WNK1: variants seen among roughly 807,000 people sequenced by gnomAD.
WNK1 encodes the protein WNK lysine deficient protein kinase 1.
WNK1 carries 38 observed loss-of-function variants against 222.8 expected under a neutral mutation model. The observed-to-expected ratio is 0.17, with a 90% CI of 0.13 to 0.22. The LOEUF (loss-of-function observed/expected upper bound fraction) is 0.22. Ranked by LOEUF, WNK1 falls within the 10% of genes least tolerant of loss-of-function variation. The probability of loss-of-function intolerance (pLI) is 1.00; values close to 1 mark genes in which losing one functional copy is unlikely to be tolerated. For synonymous variants in WNK1, 1,090 were observed against 1,092.9 expected (o/e 1.00, Z 0.05); for missense variants, 2,348 against 2,918.4 (o/e 0.80, Z 4.50).
At chr12:782,723 C>T (rs574363686) in intron 1 of WNK1, among the ~76,000 whole-genome samples, 25 of 151,938 alleles carry the variant, frequency 1.6e-4, no homozygotes, top group African/African-American at 4.6e-4. Flanking sequence ...AGGCTGATCT[C>T]GAACTCCTGA....
rs753780107 is a variant in WNK1, at chr12:879,565, C to A, written c.2374-8C>A. The A allele has an allele frequency of 6.3e-6, 7 of 1,106,472 alleles. No individual in the cohort carries two copies. Among genetic ancestry groups the A allele is most frequent in the South Asian group, 1.4e-5 (1 of 71,088 alleles). The allele number at this position is 1,106,472 out of a possible 1,614,324, so 68.5% of individuals were successfully genotyped here. On this transcript the variant is annotated splice_region_variant and splice_polypyrimidine_tract_variant and intron_variant, in intron 10 of 27. Transcript: ENST00000315939. The stretch of plus-strand genomic sequence containing the variant: ...GCCTGTCTGTTTTGTTTTTCTTTAC[C>A]TTCCCAGCTTCCAGTTTCCCAGCCA...
chr12:807,272 A>G (rs1004611884), intron 1 of WNK1, among the ~76,000 whole-genome samples: 2 of 150,650 alleles, frequency 1.3e-5, no homozygotes, highest in African/African-American at 4.9e-5. Context: ...AGCCTGGGCA[A>G]CAGAGTGAGA....
At chr12:896,028 A>C in intron 23 of WNK1, 43 bp from the exon 24 acceptor site, 1 of 1,612,006 alleles carries the variant, frequency 6.2e-7, no homozygotes, top group Non-Finnish European at 8.5e-7. Context: ...TAGAAATTGG[A>C]TATTGAGAAC....
intron 4 of WNK1, among the ~76,000 whole-genome samples, chr12:854,871 C>T (rs567468632): frequency 1.9e-3 from 294 of 152,244 alleles, no homozygotes; most frequent in Non-Finnish European, 3.2e-3. Context: ...ATAGCTAATA[C>T]ACCGTGAGTG....
intron 1 of WNK1, among the ~76,000 whole-genome samples, chr12:797,948 CAAA>C (rs10542152): frequency 0.061 from 7,515 of 123,846 alleles, 354 homozygotes; most frequent in African/African-American, 0.13. Context: ...GACTCTGTCT[CAAA>C]AAAAAAAAAA....
chr12:890,215 A>T (rs1954087658), intron 21 of WNK1, among the ~76,000 whole-genome samples: 1 of 151,824 alleles, frequency 6.6e-6, no homozygotes, highest in African/African-American at 2.4e-5. Context: ...GACCTCCCAA[A>T]ATGCTGGGAT....
chr12:804,218 A>G (rs1946140349), intron 1 of WNK1, among the ~76,000 whole-genome samples: 1 of 152,152 alleles, frequency 6.6e-6, no homozygotes, highest in South Asian at 2.1e-4. Flanking sequence ...TTATTGTCTT[A>G]AGTGCCAAGG....
At chr12:795,032 A>T (rs1945174351) in intron 1 of WNK1, among the ~76,000 whole-genome samples, 1 of 152,182 alleles carries the variant, frequency 6.6e-6, no homozygotes, top group Non-Finnish European at 1.5e-5. Flanking sequence ...GATTACAGTC[A>T]TGAGCTACCA....
At chr12:801,762 T>G (rs192614648) in intron 1 of WNK1, among the ~76,000 whole-genome samples, 1 of 152,074 alleles carries the variant, frequency 6.6e-6, no homozygotes, top group East Asian at 1.9e-4. Context: ...GAATGAAAGC[T>G]CCAATCATTA....
At chr12:846,146 T>C (rs1166298015) in intron 4 of WNK1, among the ~76,000 whole-genome samples, 1 of 152,182 alleles carries the variant, frequency 6.6e-6, no homozygotes, top group African/African-American at 2.4e-5. Context: ...AAACTGAGGG[T>C]AAAAAGTTTA....
intron 1 of WNK1, among the ~76,000 whole-genome samples, chr12:785,188 C>T (rs961976036): frequency 1.3e-5 from 2 of 151,950 alleles, no homozygotes; most frequent in African/African-American, 2.4e-5. Context: ...TTGTCCTCAG[C>T]GTTTTGAAAT....
chr12:881,614 A>G, intron 12 of WNK1, 78 bp from the exon 13 acceptor site: 1 of 1,240,104 alleles, frequency 8.1e-7, no homozygotes, highest in Admixed American at 1.7e-5. Context: ...GGATAAGGAA[A>G]AAAATAAGTA....
intron 1 of WNK1, among the ~76,000 whole-genome samples, chr12:771,011 T>G (rs572951982): frequency 1.2e-4 from 19 of 152,308 alleles, no homozygotes; most frequent in African/African-American, 4.6e-4. Context: ...TCTTTTTTTT[T>G]GGAGACGGAG....
chr12:859,195 A>C, intron 5 of WNK1, 50 bp from the exon 6 acceptor site: 1 of 1,485,706 alleles, frequency 6.7e-7, no homozygotes, highest in African/African-American at 1.4e-5. Context: ...TATTTTTTCA[A>C]ACTAATGGTG....
chr12:863,972 A>T (rs752414826), intron 8 of WNK1, among the ~76,000 whole-genome samples: 2 of 152,192 alleles, frequency 1.3e-5, no homozygotes, highest in Non-Finnish European at 2.9e-5. Context: ...TACACAGCCA[A>T]GTTTTGGAAA....
At chr12:776,533 C>T (rs938973672) in intron 1 of WNK1, among the ~76,000 whole-genome samples, 10 of 151,360 alleles carry the variant, frequency 6.6e-5, no homozygotes, top group South Asian at 4.2e-4. Context: ...CAGGTTCAAG[C>T]GATTCTTCTG....
chr12:899,872 A>G (rs1195616160), intron 25 of WNK1, among the ~76,000 whole-genome samples: 1 of 152,052 alleles, frequency 6.6e-6, no homozygotes, highest in African/African-American at 2.4e-5. Context: ...AAAAAAAGCA[A>G]TCATGGAATT....
chr12:863,302 C>T lies in WNK1; in HGVS notation c.2139+1032C>T, dbSNP rs191568800. 7.7e-4 allele frequency among the ~76,000 whole-genome samples: 117 copies of T among 152,046 alleles called. 1 individual carries two copies. The highest frequency in any genetic ancestry group is 1.2e-3 in the Non-Finnish European group (83 of 67,984). The stretch of plus-strand genomic sequence containing the variant: ...AAAGATGTTCATTTGTTTCAGAGTC[C>T]GTTTAATCCTGCTTTGGCTAGGTCT... On this transcript the variant is annotated intron_variant, in intron 8 of 27. Coordinates refer to ENST00000315939, the MANE Select transcript of WNK1 (RefSeq NM_018979.4).
intron 1 of WNK1, among the ~76,000 whole-genome samples, chr12:788,106 A>G (rs1018794230): frequency 6.6e-6 from 1 of 152,108 alleles, no homozygotes; most frequent in Non-Finnish European, 1.5e-5. Flanking sequence ...AAGTGATTAG[A>G]TGAGACCCAA....
Sources: gnomAD v4.1 joint callset for allele counts (sites outside exome capture counted in the v4.1 genomes callset) on GRCh38, gnomAD v4.1.1 for gene constraint, MANE v1.5 for transcripts, NCBI Gene and HGNC (gene_info 2026-07-23, HGNC 2026-07-21) for gene names.